AKT2: variants seen among roughly 807,000 people sequenced by gnomAD.
AKT2 encodes the protein RAC-beta serine/threonine-protein kinase.
In AKT2, 16 loss-of-function variants were observed where a neutral mutation model predicts 58.6. That is an observed-to-expected ratio of 0.27 (90% CI 0.18 to 0.41). AKT2 has a LOEUF of 0.41. Among genes scored for constraint, AKT2 ranks in the 10% least tolerant of loss-of-function variants. AKT2 has a pLI of 1.00. For missense variants in AKT2, 438 were observed against 661.0 expected (o/e 0.66, Z 3.70); for synonymous variants, 253 against 254.0 (o/e 1.00, Z 0.04).
chr19:40,232,521 G>A lies in AKT2; in HGVS notation c.*1351C>T, dbSNP rs73042697. ...TAGTACAGGAGATGGGATAGGGAGA[G>A]CAAACCCACAAAAGCTAAACTCCAA... On this transcript the variant is annotated 3_prime_UTR_variant, in exon 14 of 14. Transcript: ENST00000392038. 0.018 allele frequency: 4,274 copies of A among 231,788 alleles called. 154 individuals carry two copies. Among genetic ancestry groups the A allele is most frequent in the African/African-American group, 0.08 (3,610 of 45,092 alleles). 14.4% of individuals were successfully genotyped at this position (231,788 alleles called of 1,614,324 possible). A position where few individuals can be genotyped will look rare whatever the true frequency, so the allele number is the denominator to read the frequency against.
intron 4 of AKT2, among the ~76,000 whole-genome samples, chr19:40,245,817 T>A (rs1395834982): frequency 6.6e-6 from 1 of 152,056 alleles, no homozygotes; most frequent in Non-Finnish European, 1.5e-5. Context: ...CCCCCAGAAC[T>A]CATGGTGGAT....
At chr19:40,254,734 C>T (rs538157657) in intron 4 of AKT2, among the ~76,000 whole-genome samples, 35 of 152,064 alleles carry the variant, frequency 2.3e-4, no homozygotes, top group African/African-American at 8.4e-4. Context: ...GAGGCTGAGG[C>T]AGGAAAATCG....
chr19:40,242,330 G>T lies in AKT2; in HGVS notation c.441+204C>A, dbSNP rs908458097. 2 of 910,180 alleles carry T rather than the reference G, an allele frequency of 2.2e-6. No homozygotes were observed. The highest frequency in any genetic ancestry group is 3.4e-6 in the Non-Finnish European group (2 of 585,800). The allele number at this position is 910,180 out of a possible 1,614,324, so 56.4% of individuals were successfully genotyped here. On this transcript the variant is annotated intron_variant, in intron 5 of 13. Coordinates refer to ENST00000392038, the MANE Select transcript of AKT2 (RefSeq NM_001626.6). This position sits in a 1 kb window ranked among gnomAD's most constrained non-coding sequence, Gnocchi z 4.3. ...CCAACTCCCAGGACGAACCTGCAGT[G>T]GGTCCACCCAAGGTTGCTCCCTCCC... is the stretch of plus-strand genomic sequence containing the variant.
At chr19:40,250,730 G>A (rs1306494069) in intron 4 of AKT2, among the ~76,000 whole-genome samples, 1 of 151,868 alleles carries the variant, frequency 6.6e-6, no homozygotes, top group Non-Finnish European at 1.5e-5. Context: ...AGGGAGGCTG[G>A]GGTGGGAGGA....
Position 40,242,173 on chromosome 19 carries a change from A to G in AKT2, c.442-104T>C, listed in dbSNP as rs1224066875. On this transcript the variant is annotated intron_variant, in intron 5 of 13. Coordinates refer to ENST00000392038, the MANE Select transcript of AKT2 (RefSeq NM_001626.6). This position sits in a 1 kb window ranked among gnomAD's most constrained non-coding sequence, Gnocchi z 4.3. ...GAAAACCAAAAGACACTGTTGCCAA[A>G]CGGCTTAGGCTGGAGCAGGAAGGGA... 1 of 1,528,968 alleles carries G rather than the reference A, an allele frequency of 6.5e-7. No homozygotes were observed. 94.7% of individuals were successfully genotyped at this position (1,528,968 alleles called of 1,614,324 possible).
Position 40,233,768 on chromosome 19 carries a change from TG to T in AKT2, c.*103del. 1 of 757,428 alleles carries T rather than the reference TG, an allele frequency of 1.3e-6. No homozygotes were observed. Among genetic ancestry groups the T allele is most frequent in the Non-Finnish European group, 1.8e-6 (1 of 556,054 alleles). 46.9% of individuals were successfully genotyped at this position (757,428 alleles called of 1,614,324 possible). ...AAGAACTGGAAAGGGGGTGAGGAGG[TG>T]GGGGTGGGGACACAAACCAAAAAGG... On this transcript the variant is annotated 3_prime_UTR_variant, in exon 14 of 14. Transcript: ENST00000392038. This position sits in a 1 kb window ranked among gnomAD's most constrained non-coding sequence, Gnocchi z 4.3.
Position 40,235,963 on chromosome 19 carries a change from G to C in AKT2, c.1102C>G (p.Arg368Gly). The C allele has an allele frequency of 6.2e-7, 1 of 1,614,018 alleles. No homozygotes were observed. The highest frequency in any genetic ancestry group is 8.5e-7 in the Non-Finnish European group (1 of 1,180,024). ...LFELILMEEI[R>G]FPRTLSPEAK... is the part of the protein sequence containing the mutation. The stretch of plus-strand genomic sequence containing the variant: ...TCGGGGCTGAGCGTGCGCGGGAAGC[G>C]GATCTCTTCCATGAGGATGAGCTCG... Residue 368 changes from arginine to glycine, a missense_variant, in exon 11 of 14, where the codon CGC becomes GGC. Arg to Gly is a moderately radical substitution (Grantham distance 125, BLOSUM62 -2). This residue lies in a region of AKT2 where 148 missense variants were observed against 199.5 expected (regional missense o/e 0.74). Coordinates refer to ENST00000392038, the MANE Select transcript of AKT2 (RefSeq NM_001626.6). The surrounding 1 kb of genome is among the most constrained non-coding windows in gnomAD (Gnocchi z 6.3).
At chr19:40,250,671 T>C (rs964072844) in intron 4 of AKT2, among the ~76,000 whole-genome samples, 2 of 151,238 alleles carry the variant, frequency 1.3e-5, no homozygotes, top group African/African-American at 4.9e-5. Flanking sequence ...CTACAAAAAA[T>C]ACAAAAATTA....
Position 40,235,581 on chromosome 19 carries a change from C to A in AKT2, c.1176-231G>T. 1 of 624,640 alleles carries A rather than the reference C, an allele frequency of 1.6e-6. No individual in the cohort carries two copies. Among genetic ancestry groups the A allele is most frequent in the African/African-American group, 1.8e-5 (1 of 54,852 alleles). The allele number at this position is 624,640 out of a possible 1,614,324, so 38.7% of individuals were successfully genotyped here. On this transcript the variant is annotated intron_variant, in intron 11 of 13. Coordinates refer to ENST00000392038, the MANE Select transcript of AKT2 (RefSeq NM_001626.6). The surrounding 1 kb of genome is among the most constrained non-coding windows in gnomAD (Gnocchi z 6.3). ...CTCACTGCCTGGCCTTACCCTGAGTCCAGAAAGGGAGTTAGTAGGGCAGGC... is the reference window on the plus strand; with the variant it reads ...CTCACTGCCTGGCCTTACCCTGAGTACAGAAAGGGAGTTAGTAGGGCAGGC...
Position 40,241,953 on chromosome 19 carries a change from T to G in AKT2, c.558A>C (p.Glu186Asp). Reference sequence around the variant, plus strand: ...GGGCACGCACCTTGGCAATGATGACTTCCTTCCGCAGGATCTTCATGGCGT... The same window carrying G: ...GGGCACGCACCTTGGCAATGATGACGTCCTTCCGCAGGATCTTCATGGCGT... ...RYYAMKILRK[E>D]VIIAKDEVAH... Residue 186 changes from glutamate (E) to aspartate (D), a missense_variant, in exon 6 of 14, where the codon GAA becomes GAC. Physicochemically the swap from Glu to Asp is conservative, Grantham distance 45. Transcript: ENST00000392038. 1.2e-6 allele frequency: 2 copies of G among 1,614,138 alleles called. No homozygotes were observed. The highest frequency in any genetic ancestry group is 2.7e-5 in the African/African-American group (2 of 75,070).
chr19:40,263,221 C>T (rs924924608), intron 2 of AKT2, among the ~76,000 whole-genome samples: 4 of 152,230 alleles, frequency 2.6e-5, no homozygotes, highest in African/African-American at 7.2e-5. Flanking sequence ...ACAGTCCAGC[C>T]TAATGAGCCA....
At chr19:40,236,465 G>A (rs1028444401) in intron 9 of AKT2, 80 bp from the exon 10 acceptor site, 1 of 1,590,554 alleles carries the variant, frequency 6.3e-7, no homozygotes, top group African/African-American at 1.3e-5. Context: ...AGGGAAAGAT[G>A]CCCGGGGCTC....
intron 4 of AKT2, among the ~76,000 whole-genome samples, chr19:40,250,986 T>C (rs923058859): frequency 2.6e-5 from 4 of 152,114 alleles, no homozygotes; most frequent in African/African-American, 9.7e-5. Context: ...GAGGATTGCT[T>C]GAGACCAGGA....
At chr19:40,273,980 C>T (rs2077264945) in intron 1 of AKT2, among the ~76,000 whole-genome samples, 2 of 152,176 alleles carry the variant, frequency 1.3e-5, no homozygotes, top group South Asian at 2.1e-4. Flanking sequence ...ACACAATCTC[C>T]CCTTCTCCTG....
At chr19:40,282,243 T>A (rs1377725277) in intron 1 of AKT2, 3 of 323,430 alleles carry the variant, frequency 9.3e-6, no homozygotes, top group Middle Eastern at 1.2e-3. Context: ...TTCTAGGAGC[T>A]TCTCGTGGAT....
At chr19:40,248,247 A>G (rs908819260) in intron 4 of AKT2, among the ~76,000 whole-genome samples, 1 of 152,200 alleles carries the variant, frequency 6.6e-6, no homozygotes, top group African/African-American at 2.4e-5. Flanking sequence ...CACTAGACAT[A>G]AAGTGCTGAG....
chr19:40,249,328 A>G (rs1283714442), intron 4 of AKT2, among the ~76,000 whole-genome samples: 2 of 152,190 alleles, frequency 1.3e-5, no homozygotes, highest in Non-Finnish European at 2.9e-5. Flanking sequence ...GAAAGGTACC[A>G]GTGCTGCGTG....
At chr19:40,280,151 C>T (rs1381338191) in intron 1 of AKT2, among the ~76,000 whole-genome samples, 3 of 152,210 alleles carry the variant, frequency 2.0e-5, no homozygotes, top group Non-Finnish European at 2.9e-5. Flanking sequence ...CTGGGAATGG[C>T]GCAGGCCTAC....
At chr19:40,257,424 A>G (rs1461846278) in intron 2 of AKT2, among the ~76,000 whole-genome samples, 1 of 152,222 alleles carries the variant, frequency 6.6e-6, no homozygotes, top group Non-Finnish European at 1.5e-5. Flanking sequence ...CTGTAAGGCC[A>G]AATCCCATGG....
Sources: gnomAD v4.1 joint callset for allele counts (sites outside exome capture counted in the v4.1 genomes callset) on GRCh38, gnomAD v4.1.1 for gene constraint, gnomAD v4.1.1 regional missense constraint, Gnocchi (gnomAD v3.1) non-coding constraint, MANE v1.5 for transcripts, NCBI Gene and HGNC (gene_info 2026-07-23, HGNC 2026-07-21) for gene names.